Variants in PPARGC1A observed in about 807,000 individuals in gnomAD.
PPARGC1A encodes PPARG coactivator 1 alpha.
A neutral mutation model predicts 88.7 loss-of-function variants in PPARGC1A; 25 were observed. The ratio of observed to expected loss-of-function variants is 0.28; its 90% CI spans 0.21 to 0.39. The LOEUF (loss-of-function observed/expected upper bound fraction) is 0.39, where lower values mean the gene tolerates loss of function less well. Ranked by LOEUF, PPARGC1A falls within the 10% of genes least tolerant of loss-of-function variation. PPARGC1A has a pLI of 1.00. For synonymous variants in PPARGC1A, 363 were observed against 355.6 expected (o/e 1.02, Z -0.24); for missense variants, 880 against 968.7 (o/e 0.91, Z 1.22).
the PPARGC1A span, among the ~76,000 whole-genome samples, chr4:24,446,591 AT>A: frequency 0.064 from 8,642 of 134,862 alleles, 248 homozygotes; most frequent in Middle Eastern, 0.12. Context: ...AAAACACTGA[AT>A]TTTTTTTTTT....
the PPARGC1A span, among the ~76,000 whole-genome samples, chr4:24,339,356 T>C: frequency 6.6e-6 from 1 of 151,868 alleles, no homozygotes; most frequent in Non-Finnish European, 1.5e-5. Flanking sequence ...TTCCACATTC[T>C]GGCCTGATTT....
chr4:23,960,867 A>AT, the PPARGC1A span, among the ~76,000 whole-genome samples: 4 of 152,166 alleles, frequency 2.6e-5, no homozygotes, highest in African/African-American at 9.6e-5. Context: ...TGATGGAATA[A>AT]TTGGGCTTCT....
chr4:24,205,679 G>A, the PPARGC1A span, among the ~76,000 whole-genome samples: 1 of 152,066 alleles, frequency 6.6e-6, no homozygotes. Context: ...ACCTGAACAG[G>A]AGGGATCCAT....
At chr4:24,408,375 A>C in the PPARGC1A span, among the ~76,000 whole-genome samples, 5 of 152,162 alleles carry the variant, frequency 3.3e-5, no homozygotes, top group African/African-American at 1.2e-4. Flanking sequence ...AAAACCTATA[A>C]AATAGCAACA....
At chr4:24,266,735 C>T in the PPARGC1A span, among the ~76,000 whole-genome samples, 1 of 152,102 alleles carries the variant, frequency 6.6e-6, no homozygotes, top group South Asian at 2.1e-4. Context: ...AAAGATCCTG[C>T]AGGGAAGGAA....
the PPARGC1A span, among the ~76,000 whole-genome samples, chr4:24,404,102 A>G: frequency 6.6e-6 from 1 of 151,902 alleles, no homozygotes; most frequent in African/African-American, 2.4e-5. Context: ...TCTCTACTAA[A>G]AATAAAAAAA....
chr4:24,115,704 A>G, the PPARGC1A span, among the ~76,000 whole-genome samples: 5 of 152,204 alleles, frequency 3.3e-5, no homozygotes, highest in Non-Finnish European at 7.3e-5. Context: ...TCAACGACAT[A>G]GCATTTTAAT....
chr4:24,278,011 T>C, the PPARGC1A span, among the ~76,000 whole-genome samples: 1,699 of 151,994 alleles, frequency 0.011, 31 homozygotes, highest in African/African-American at 0.039. Context: ...CTTTGCTCTA[T>C]AAAAATTTTG....
chr4:24,228,739 T>C, the PPARGC1A span, among the ~76,000 whole-genome samples: 1 of 152,240 alleles, frequency 6.6e-6, no homozygotes, highest in Admixed American at 6.5e-5. Flanking sequence ...ACATGGTCTT[T>C]GAGCTAATAC....
the PPARGC1A span, among the ~76,000 whole-genome samples, chr4:24,277,087 T>G: frequency 2.6e-5 from 4 of 152,136 alleles, no homozygotes; most frequent in Non-Finnish European, 2.9e-5. Context: ...TAGGGATTTT[T>G]GGGTTTTGCT....
chr4:23,853,432 T>G (rs192905960), intron 2 of PPARGC1A, among the ~76,000 whole-genome samples: 10 of 151,164 alleles, frequency 6.6e-5, no homozygotes, highest in African/African-American at 2.5e-4. Context: ...TCTGCTATGT[T>G]ACCTCAGATC....
the PPARGC1A span, among the ~76,000 whole-genome samples, chr4:23,955,490 C>A: frequency 1.3e-5 from 2 of 151,950 alleles, no homozygotes; most frequent in East Asian, 3.9e-4. Flanking sequence ...TGTAAAGGAG[C>A]AATTTTCTTT....
chr4:24,068,214 A>T, the PPARGC1A span, among the ~76,000 whole-genome samples: 6 of 23,750 alleles, frequency 2.5e-4, no homozygotes, highest in Non-Finnish European at 7.3e-4. Flanking sequence ...CCACGGAAGG[A>T]ATGATGATGG....
the PPARGC1A span, among the ~76,000 whole-genome samples, chr4:23,942,882 A>G: frequency 6.6e-6 from 1 of 152,234 alleles, no homozygotes; most frequent in East Asian, 1.9e-4. Flanking sequence ...AGCACTACAG[A>G]AATACTTCAA....
chr4:24,054,568 A>G, the PPARGC1A span, among the ~76,000 whole-genome samples: 1 of 152,222 alleles, frequency 6.6e-6, no homozygotes, highest in Non-Finnish European at 1.5e-5. Context: ...GTTTAAAGAT[A>G]TCTTTTCGAG....
At chr4:24,209,671 T>C in the PPARGC1A span, among the ~76,000 whole-genome samples, 3 of 152,220 alleles carry the variant, frequency 2.0e-5, no homozygotes, top group Non-Finnish European at 4.4e-5. Flanking sequence ...ATTGCCTAGA[T>C]TGTAGTCTAC....
the PPARGC1A span, among the ~76,000 whole-genome samples, chr4:23,989,425 A>C: frequency 6.6e-6 from 1 of 152,004 alleles, no homozygotes; most frequent in Non-Finnish European, 1.5e-5. Context: ...CTGTGCTCTA[A>C]GTATTATCAT....
the PPARGC1A span, among the ~76,000 whole-genome samples, chr4:24,050,194 C>CTTTTTTTTTTTTTTTTT: frequency 2.3e-5 from 3 of 127,808 alleles, 1 homozygote; most frequent in African/African-American, 8.7e-5. Flanking sequence ...CTTAGGTGAC[C>CTTTTTTTTTTTTTTTTT]TTTTGTTTTT....
intron 1 of PPARGC1A, among the ~76,000 whole-genome samples, chr4:23,886,856 T>TAAA (rs11332760): frequency 3.7e-5 from 5 of 136,328 alleles, no homozygotes; most frequent in African/African-American, 1.4e-4. Context: ...GCATAGTCTT[T>TAAA]AAAAAAAAAA....
Sources: gnomAD v4.1 joint callset for allele counts (sites outside exome capture counted in the v4.1 genomes callset) on GRCh38, gnomAD v4.1.1 for gene constraint, MANE v1.5 for transcripts, NCBI Gene and HGNC (gene_info 2026-07-23, HGNC 2026-07-21) for gene names.